The following EVI5 variants were observed in gnomAD, a reference collection of about 807,000 sequenced individuals.
EVI5 encodes ecotropic viral integration site 5 protein homolog.
A neutral mutation model predicts 112.0 loss-of-function variants in EVI5; 73 were observed. The ratio of observed to expected loss-of-function variants is 0.65; its 90% CI spans 0.54 to 0.79. The LOEUF (loss-of-function observed/expected upper bound fraction) is 0.79. Among genes scored for constraint, EVI5 ranks in the 30% least tolerant of loss-of-function variants. The probability of loss-of-function intolerance (pLI) is 0.00; values close to 1 mark genes in which losing one functional copy is unlikely to be tolerated. For synonymous variants in EVI5, 305 were observed against 319.9 expected (o/e 0.95, Z 0.50); for missense variants, 900 against 968.8 (o/e 0.93, Z 0.94).
At chr1:92,527,986 G>A (rs930749526) in intron 19 of EVI5, among the ~76,000 whole-genome samples, 15 of 152,096 alleles carry the variant, frequency 9.9e-5, no homozygotes, top group African/African-American at 3.6e-4. Context: ...TGTAACTTCT[G>A]CGTAATAAAG....
intron 1 of EVI5, among the ~76,000 whole-genome samples, chr1:92,771,751 A>C (rs1263754303): frequency 1.3e-5 from 2 of 151,142 alleles, no homozygotes. Flanking sequence ...GGGATTACAG[A>C]CATGTGCCAC....
chr1:92,626,393 T>TATAG (rs1182771958), intron 14 of EVI5, among the ~76,000 whole-genome samples: 4 of 152,196 alleles, frequency 2.6e-5, no homozygotes, highest in Non-Finnish European at 5.9e-5. Flanking sequence ...TATTCCACTG[T>TATAG]ATAGATATAC....
At chr1:92,637,914 A>G (rs77806668) in intron 13 of EVI5, among the ~76,000 whole-genome samples, 3,145 of 152,290 alleles carry the variant, frequency 0.021, 123 homozygotes, top group African/African-American at 0.071. Context: ...TATTGAAACA[A>G]TATTTCAATA....
At chr1:92,702,101 A>T in intron 5 of EVI5, 40 bp downstream of exon 5, 1 of 1,060,344 alleles carries the variant, frequency 9.4e-7, no homozygotes, top group Non-Finnish European at 1.4e-6. Flanking sequence ...CCAACTTAAT[A>T]AAAAATTTCA....
chr1:92,751,103 T>C (rs1680126598), intron 1 of EVI5, among the ~76,000 whole-genome samples: 1 of 152,122 alleles, frequency 6.6e-6, no homozygotes, highest in Non-Finnish European at 1.5e-5. Context: ...TGAGCCAAGA[T>C]CGCACCACTG....
At chr1:92,564,162 T>C (rs901395201) in intron 18 of EVI5, among the ~76,000 whole-genome samples, 1 of 152,106 alleles carries the variant, frequency 6.6e-6, no homozygotes, top group African/African-American at 2.4e-5. Context: ...ACCTCAGGTG[T>C]GATTATTTCT....
intron 17 of EVI5, among the ~76,000 whole-genome samples, chr1:92,605,910 G>A (rs563307946): frequency 7.9e-5 from 12 of 152,088 alleles, no homozygotes; most frequent in African/African-American, 1.4e-4. Flanking sequence ...CATAATTCAC[G>A]GACTGGCTTT....
chr1:92,748,168 C>T (rs771492629), intron 1 of EVI5, among the ~76,000 whole-genome samples: 1 of 152,152 alleles, frequency 6.6e-6, no homozygotes, highest in Non-Finnish European at 1.5e-5. Flanking sequence ...CCAAGCAAAG[C>T]TCGCTGACTG....
At chr1:92,572,053 T>C (rs1161818198) in intron 18 of EVI5, among the ~76,000 whole-genome samples, 1 of 152,148 alleles carries the variant, frequency 6.6e-6, no homozygotes, top group Non-Finnish European at 1.5e-5. Flanking sequence ...AAATGCATAT[T>C]TCACTCTTGG....
At chr1:92,756,777 A>T in intron 1 of EVI5, 1 of 512,922 alleles carries the variant, frequency 1.9e-6, no homozygotes, top group Non-Finnish European at 4.0e-6. Flanking sequence ...CTTACAAGCT[A>T]CAGATGTGTC....
intron 19 of EVI5, among the ~76,000 whole-genome samples, chr1:92,546,424 C>T (rs970532124): frequency 5.3e-5 from 8 of 152,060 alleles, no homozygotes; most frequent in Non-Finnish European, 7.4e-5. Flanking sequence ...ATAGGCTGGG[C>T]GCGGTGGTTC....
chr1:92,630,533 A>G (rs1019672267), intron 14 of EVI5, among the ~76,000 whole-genome samples: 1 of 151,808 alleles, frequency 6.6e-6, no homozygotes, highest in African/African-American at 2.4e-5. Flanking sequence ...TTTTCTTGTA[A>G]ATTTGTTTGA....
chr1:92,693,924 A>C, intron 8 of EVI5, 25 bp from the exon 9 acceptor site: 3 of 1,320,026 alleles, frequency 2.3e-6, no homozygotes, highest in Non-Finnish European at 3.2e-6. Context: ...AAAAAAAAAC[A>C]TAAGAATGAC....
intron 19 of EVI5, among the ~76,000 whole-genome samples, chr1:92,552,042 T>C (rs1417582182): frequency 1.3e-5 from 2 of 151,230 alleles, no homozygotes; most frequent in South Asian, 2.1e-4. Context: ...TCTACCCATG[T>C]GATGTAAAGT....
chr1:92,741,474 A>G (rs1476194690), intron 1 of EVI5, among the ~76,000 whole-genome samples: 2 of 152,198 alleles, frequency 1.3e-5, no homozygotes, highest in African/African-American at 4.8e-5. Flanking sequence ...TAATTCCTAA[A>G]GCCTGCAGAT....
At chr1:92,708,220 G>A (rs1488418553) in intron 2 of EVI5, among the ~76,000 whole-genome samples, 1 of 151,794 alleles carries the variant, frequency 6.6e-6, no homozygotes, top group Non-Finnish European at 1.5e-5. Context: ...ACAATCTACA[G>A]AATGGGAGAA....
intron 18 of EVI5, among the ~76,000 whole-genome samples, chr1:92,584,077 T>C (rs116492969): frequency 0.021 from 3,165 of 152,250 alleles, 120 homozygotes; most frequent in African/African-American, 0.072. Context: ...TTGCTTAGTC[T>C]CAAACACAAG....
At chr1:92,792,328 C>T (rs1324804431) in intron 1 of EVI5, 8 of 1,542,118 alleles carry the variant, frequency 5.2e-6, no homozygotes, top group African/African-American at 1.4e-5. Context: ...AATCAAACAT[C>T]GTTTTACACA....
chr1:92,695,403 G>C lies in EVI5; in HGVS notation c.816C>G (p.Thr272=). ...FVHFQSQSFH[T]SMYASSWFLT... ...GAAACCAGGATGATGCATACATTGA[G>C]GTATGAAAACTCTGAGATTGAAAAT... Residue 272 remains threonine (T), a synonymous_variant, in exon 7 of 20, where the codon ACC becomes ACG. Transcript: ENST00000684568. The C allele has an allele frequency of 6.2e-7, 1 of 1,604,280 alleles. No homozygotes were observed. The highest frequency in any genetic ancestry group is 8.5e-7 in the Non-Finnish European group (1 of 1,171,750).
Sources: allele counts gnomAD v4.1 joint callset (sites outside exome capture counted in the v4.1 genomes callset), GRCh38; gene constraint gnomAD v4.1.1; transcripts MANE v1.5; gene names NCBI Gene and HGNC (gene_info 2026-07-23, HGNC 2026-07-21).